PHACTR3: variants seen among roughly 807,000 people sequenced by gnomAD.
The protein encoded by PHACTR3 is protein phosphatase 1, regulatory subunit 123.
A neutral mutation model predicts 66.8 loss-of-function variants in PHACTR3; 16 were observed. The observed-to-expected ratio is 0.24, with a 90% CI of 0.16 to 0.36. The LOEUF is 0.36. Ranked by LOEUF, PHACTR3 falls within the 10% of genes least tolerant of loss-of-function variation. The pLI is 1.00. For missense variants in PHACTR3, 647 were observed against 719.9 expected (o/e 0.90, Z 1.16); for synonymous variants, 323 against 292.1 (o/e 1.11, Z -1.08).
intron 1 of PHACTR3, among the ~76,000 whole-genome samples, chr20:59,646,205 A>AGCCCTGGG (rs1263993012): frequency 6.6e-6 from 1 of 151,910 alleles, no homozygotes; most frequent in African/African-American, 2.4e-5. Context: ...TGTTAGTGGG[A>AGCCCTGGG]GCCCTGGGGC....
intron 2 of PHACTR3, among the ~76,000 whole-genome samples, chr20:59,745,059 G>A (rs1281221411): frequency 1.3e-5 from 2 of 152,238 alleles, no homozygotes; most frequent in Non-Finnish European, 2.9e-5. Context: ...CAGGCCCTGG[G>A]GGGTGGAAAT....
chr20:59,686,383 AG>A (rs1166790369), intron 1 of PHACTR3, among the ~76,000 whole-genome samples: 2 of 152,172 alleles, frequency 1.3e-5, no homozygotes, highest in African/African-American at 4.8e-5. Flanking sequence ...CTAGAGTTGG[AG>A]GGAGGATTAA....
chr20:59,723,070 C>CT (rs1168860456), intron 1 of PHACTR3, among the ~76,000 whole-genome samples: 2 of 120,142 alleles, frequency 1.7e-5, no homozygotes, highest in Non-Finnish European at 3.4e-5. Context: ...CTCTTTCTTT[C>CT]TTTCTTTCTT....
chr20:59,581,474 C>T (rs1427471063), intron 1 of PHACTR3, among the ~76,000 whole-genome samples: 1 of 152,230 alleles, frequency 6.6e-6, no homozygotes, highest in Admixed American at 6.5e-5. Flanking sequence ...TCCAAATCCC[C>T]ACGCAGCTGT....
At position 59,681,950 on chromosome 20, in the gene PHACTR3, C is replaced by T. The variant is rs571385481; in HGVS notation, c.119-61157C>T. Among the ~76,000 whole-genome samples, 5 of 150,924 alleles carry T rather than the reference C, an allele frequency of 3.3e-5. No individual in the cohort carries two copies. In the East Asian group the frequency reaches 5.8e-4, roughly 18 times the overall value. ...ATTTGAACCCAGGGGGTGGAGGTTGCGGTGAGCAGAGATCGTGCCATTGCA... is the reference window on the plus strand; with the variant it reads ...ATTTGAACCCAGGGGGTGGAGGTTGTGGTGAGCAGAGATCGTGCCATTGCA... On this transcript the variant is annotated intron_variant, in intron 1 of 12. Coordinates refer to ENST00000371015, the MANE Select transcript of PHACTR3 (RefSeq NM_080672.5).
Position 59,806,136 on chromosome 20 carries a change from A to G in PHACTR3, c.1270A>G (p.Arg424Gly). 1 of 1,614,256 alleles carries G rather than the reference A, an allele frequency of 6.2e-7. No homozygotes were observed. Among genetic ancestry groups the G allele is most frequent in the Non-Finnish European group, 8.5e-7 (1 of 1,180,038 alleles). ...QELEDRNIFPRRTDEERQEIR... is the reference protein window; with the variant it reads ...QELEDRNIFPGRTDEERQEIR... ...ACTAGAAGACCGGAACATTTTCCCC[A>G]GAAGGACTGATGAAGAAAGACAGGA... The change falls in exon 8 of 13, where the codon AGA (arginine) becomes GGA (glycine). Residue 424 changes from arginine (R) to glycine (G), a missense_variant. Arg to Gly is a moderately radical substitution (Grantham distance 125). Transcript: ENST00000371015.
chr20:59,629,927 G>C (rs150592323), intron 1 of PHACTR3, among the ~76,000 whole-genome samples: 18 of 152,266 alleles, frequency 1.2e-4, no homozygotes, highest in African/African-American at 4.3e-4. Flanking sequence ...CTGTAGACCA[G>C]GGGTTCTAGG....
chr20:59,599,114 G>A (rs755730691), intron 1 of PHACTR3, among the ~76,000 whole-genome samples: 56 of 152,250 alleles, frequency 3.7e-4, no homozygotes, highest in Admixed American at 7.2e-4. Context: ...GAGGGAGCAT[G>A]AGCCCCTCAG....
chr20:59,733,449 G>C (rs1266893402), intron 1 of PHACTR3, among the ~76,000 whole-genome samples: 2 of 152,148 alleles, frequency 1.3e-5, no homozygotes, highest in Non-Finnish European at 2.9e-5. Flanking sequence ...CAGGCAATTG[G>C]ATTTTCAGTG....
At chr20:59,637,759 A>T (rs1001490544) in intron 1 of PHACTR3, among the ~76,000 whole-genome samples, 16 of 151,030 alleles carry the variant, frequency 1.1e-4, no homozygotes, top group African/African-American at 3.6e-4. Flanking sequence ...GCAAAACTTG[A>T]TTCCCTATTG....
At position 59,841,306 on chromosome 20, in the gene PHACTR3, G is replaced by GT. The variant is rs111581698; in HGVS notation, c.1447-83dup. 13 of 1,347,706 alleles carry GT rather than the reference G, an allele frequency of 9.6e-6. No individual in the cohort carries two copies. The East Asian group carries it at 1.2e-4, about 13-fold the overall frequency. The allele number at this position is 1,347,706 out of a possible 1,614,324, so 83.5% of individuals were successfully genotyped here. ...TTTCAGGTTTTTTTTGTTTTGTTTT[G>GT]TTTTTTAAGAGAAGTGCTGTTTGTT... is the stretch of plus-strand genomic sequence containing the variant. On this transcript the variant is annotated intron_variant, in intron 10 of 12. Coordinates refer to ENST00000371015, the MANE Select transcript of PHACTR3 (RefSeq NM_080672.5).
intron 1 of PHACTR3, among the ~76,000 whole-genome samples, chr20:59,737,802 G>C (rs73144864): frequency 0.014 from 2,062 of 152,274 alleles, 24 homozygotes; most frequent in Middle Eastern, 0.024. Context: ...ATGGCACATG[G>C]TTGGTGTCAG....
At chr20:59,744,161 G>C (rs2039277953) in intron 2 of PHACTR3, among the ~76,000 whole-genome samples, 1 of 152,252 alleles carries the variant, frequency 6.6e-6, no homozygotes, top group Non-Finnish European at 1.5e-5. Context: ...CCTCCTGCTA[G>C]GCCAGCACTC....
Position 59,713,745 on chromosome 20 carries a change from CT to C in PHACTR3, c.119-29351del, listed in dbSNP as rs962777834. 4.9e-4 allele frequency among the ~76,000 whole-genome samples: 71 copies of C among 143,856 alleles called. 1 individual carries two copies. Among genetic ancestry groups the C allele is most frequent in the East Asian group, 1.0e-3 (5 of 4,954 alleles). 94.4% of individuals were successfully genotyped at this position (143,856 alleles called of 152,430 possible). A position where few individuals can be genotyped will look rare whatever the true frequency, so the allele number is the denominator to read the frequency against. Reference sequence around the variant, plus strand: ...TTCTTGAGCTCGTTTTTGTCTTTTGCTTTTTTTTTTTCTCCTTTTTTGGTAA... The same window carrying C: ...TTCTTGAGCTCGTTTTTGTCTTTTGCTTTTTTTTTTCTCCTTTTTTGGTAA... On this transcript the variant is annotated intron_variant, in intron 1 of 12. Coordinates refer to ENST00000371015, the MANE Select transcript of PHACTR3 (RefSeq NM_080672.5).
At chr20:59,776,543 G>A (rs1354819827) in intron 7 of PHACTR3, among the ~76,000 whole-genome samples, 2 of 152,134 alleles carry the variant, frequency 1.3e-5, no homozygotes, top group Non-Finnish European at 2.9e-5. Flanking sequence ...AGCCCCTGGG[G>A]AGGAGAGCCT....
chr20:59,621,112 A>G (rs1280070673), intron 1 of PHACTR3, among the ~76,000 whole-genome samples: 1 of 152,220 alleles, frequency 6.6e-6, no homozygotes, highest in African/African-American at 2.4e-5. Context: ...TTCTGGCAGC[A>G]TAAGACGCTC....
At chr20:59,648,399 T>C (rs1164995786) in intron 1 of PHACTR3, among the ~76,000 whole-genome samples, 1 of 152,120 alleles carries the variant, frequency 6.6e-6, no homozygotes, top group Non-Finnish European at 1.5e-5. Context: ...CATGGCCTGA[T>C]TGGGCAAGGG....
intron 8 of PHACTR3, among the ~76,000 whole-genome samples, chr20:59,823,179 AAAAAT>A (rs2042097843): frequency 6.6e-6 from 1 of 152,214 alleles, no homozygotes; most frequent in African/African-American, 2.4e-5. Flanking sequence ...ATACATGGTA[AAAAAT>A]AAAACGGTAC....
intron 1 of PHACTR3, among the ~76,000 whole-genome samples, chr20:59,739,026 G>A (rs183743242): frequency 6.6e-6 from 1 of 152,260 alleles, no homozygotes; most frequent in Admixed American, 6.5e-5. Context: ...GGAATGCATT[G>A]TCTCTGAGAA....
Sources: allele counts gnomAD v4.1 joint callset (sites outside exome capture counted in the v4.1 genomes callset), GRCh38; gene constraint gnomAD v4.1.1; transcripts MANE v1.5; gene names NCBI Gene and HGNC (gene_info 2026-07-23, HGNC 2026-07-21).